PPP4R4: variants seen among roughly 807,000 people sequenced by gnomAD.
The protein encoded by PPP4R4 is serine/threonine-protein phosphatase 4 regulatory subunit 4.
In PPP4R4, 70 loss-of-function variants were observed where a neutral mutation model predicts 121.8. The observed-to-expected ratio is 0.57, with a 90% CI of 0.47 to 0.70. The LOEUF (loss-of-function observed/expected upper bound fraction) is 0.70, where lower values mean the gene tolerates loss of function less well. PPP4R4 is among the 30% of genes least tolerant of loss of function. The pLI, the probability that PPP4R4 is intolerant of heterozygous loss-of-function variation, is 0.00. For synonymous variants in PPP4R4, 348 were observed against 355.7 expected (o/e 0.98, Z 0.24); for missense variants, 875 against 1,033.6 (o/e 0.85, Z 2.10).
Position 94,256,605 on chromosome 14 carries a change from G to GT in PPP4R4, c.2010+2dup. ...AGATGTTCTGGCTATTGTAAAAAGA[G>GT]TAAGTATCACTCTTGCCACAATGTT... On this transcript the variant is annotated splice_donor_variant, in intron 17 of 24. Transcript: ENST00000304338. LOFTEE classifies it high-confidence loss of function. 6.3e-7 allele frequency: 1 copy of GT among 1,599,340 alleles called. No individual in the cohort carries two copies. Among genetic ancestry groups the GT allele is most frequent in the South Asian group, 1.1e-5 (1 of 88,746 alleles).
rs1028388449 is a variant in PPP4R4, at chr14:94,252,449, T to TAATA, written c.1865+558_1865+561dup. 3.3e-5 allele frequency among the ~76,000 whole-genome samples: 5 copies of TAATA among 152,220 alleles called. No homozygotes were observed. The East Asian group carries it at 5.8e-4, about 18-fold the overall frequency. ...TGGCTTGCCTGGAAATGGAAAAAAA[T>TAATA]AATAAATATATTTTGTCCTTTTTCT... On this transcript the variant is annotated intron_variant, in intron 16 of 24. Coordinates refer to ENST00000304338, the MANE Select transcript of PPP4R4 (RefSeq NM_058237.2).
At chr14:94,261,921 C>G (rs985896214) in intron 19 of PPP4R4, among the ~76,000 whole-genome samples, 1 of 151,916 alleles carries the variant, frequency 6.6e-6, no homozygotes, top group Non-Finnish European at 1.5e-5. Context: ...TGTCCTTTTT[C>G]TCCATTGGAT....
chr14:94,233,876 CTA>C (rs1892188018), intron 6 of PPP4R4, 117 bp downstream of exon 6: 1 of 685,898 alleles, frequency 1.5e-6, no homozygotes, highest in East Asian at 3.1e-5. Context: ...GTTATCTTAA[CTA>C]TTTTAACTTT....
At chr14:94,214,158 T>G (rs776543908) in intron 3 of PPP4R4, among the ~76,000 whole-genome samples, 60 of 152,156 alleles carry the variant, frequency 3.9e-4, no homozygotes, top group Non-Finnish European at 8.4e-4. Flanking sequence ...AATATAAATA[T>G]CTACCTGAAA....
At chr14:94,225,834 A>G (rs1891668895) in intron 3 of PPP4R4, among the ~76,000 whole-genome samples, 1 of 152,150 alleles carries the variant, frequency 6.6e-6, no homozygotes, top group Non-Finnish European at 1.5e-5. Flanking sequence ...TAGAAGGTGA[A>G]AGTATTATGA....
In PPP4R4 at chr14:94,268,334, A is replaced by G. The variant is rs1208366904; in HGVS notation, c.2449+1305A>G. On this transcript the variant is annotated intron_variant, in intron 23 of 24. Coordinates refer to ENST00000304338, the MANE Select transcript of PPP4R4 (RefSeq NM_058237.2). ...TCACTTAGCTGTAATGAGCATGTTT[A>G]TTCATGATTTTGTAACATTTTTTGT... Among the ~76,000 whole-genome samples, 4 of 152,182 alleles carry G rather than the reference A, an allele frequency of 2.6e-5. No individual in the cohort carries two copies. In the South Asian group the frequency reaches 6.2e-4, roughly 24 times the overall value.
intron 19 of PPP4R4, among the ~76,000 whole-genome samples, chr14:94,261,053 T>A (rs1385120037): frequency 6.6e-6 from 1 of 152,164 alleles, no homozygotes; most frequent in Non-Finnish European, 1.5e-5. Flanking sequence ...AGCCTTCTTT[T>A]CCCCATTGAA....
At chr14:94,199,139 C>T (rs1266965156) in intron 2 of PPP4R4, among the ~76,000 whole-genome samples, 4 of 152,184 alleles carry the variant, frequency 2.6e-5, no homozygotes, top group African/African-American at 9.6e-5. Context: ...AGTATTGAGT[C>T]TTTGATACTT....
intron 23 of PPP4R4, among the ~76,000 whole-genome samples, chr14:94,270,810 C>T (rs755419368): frequency 2.0e-5 from 3 of 151,302 alleles, no homozygotes; most frequent in African/African-American, 4.9e-5. Context: ...CCCAGATACT[C>T]GGGAGGCTGA....
At chr14:94,231,883 A>G (rs574659744) in intron 5 of PPP4R4, among the ~76,000 whole-genome samples, 1 of 152,268 alleles carries the variant, frequency 6.6e-6, no homozygotes, top group South Asian at 2.1e-4. Context: ...TTTATCAGCA[A>G]TAGTGTTTCT....
intron 2 of PPP4R4, among the ~76,000 whole-genome samples, chr14:94,179,720 T>C (rs1405971801): frequency 6.6e-6 from 1 of 152,236 alleles, no homozygotes; most frequent in African/African-American, 2.4e-5. Flanking sequence ...AGCTCCGTTA[T>C]CACTTAGTGG....
chr14:94,278,701 C>T lies in PPP4R4; in HGVS notation c.*58C>T. The T allele has an allele frequency of 1.3e-6, 2 of 1,481,814 alleles. No homozygotes were observed. Among genetic ancestry groups the T allele is most frequent in the Non-Finnish European group, 1.8e-6 (2 of 1,105,864 alleles). 91.8% of individuals were successfully genotyped at this position (1,481,814 alleles called of 1,614,324 possible). On this transcript the variant is annotated 3_prime_UTR_variant, in exon 25 of 25. Transcript: ENST00000304338. ...GCAGCAGGAGATAATGTGATTGGTA[C>T]ACAAAAGCTAAAGCAGTGGCTGGGG...
intron 2 of PPP4R4, among the ~76,000 whole-genome samples, chr14:94,191,583 A>G (rs1889603978): frequency 6.6e-6 from 1 of 152,172 alleles, no homozygotes; most frequent in African/African-American, 2.4e-5. Context: ...GGTACAGAAC[A>G]GCAGAACTTA....
rs140471672 is a variant in PPP4R4, at chr14:94,260,375, G to A, written c.2127+1006G>A. Among the ~76,000 whole-genome samples, 926 of 152,172 alleles carry A rather than the reference G, an allele frequency of 6.1e-3. 5 individuals are homozygous for A. The highest frequency in any genetic ancestry group is 9.9e-3 in the Non-Finnish European group (672 of 67,998). On this transcript the variant is annotated intron_variant, in intron 19 of 24. Transcript: ENST00000304338. ...CGGGAGGCAGAGCTTGCAGTGAACC[G>A]TGGTTGTGCCACTGCACACCAGCCT...
intron 14 of PPP4R4, 74 bp from the exon 15 acceptor site, chr14:94,250,098 T>C (rs1208740391): frequency 3.1e-6 from 3 of 981,494 alleles, no homozygotes; most frequent in Middle Eastern, 2.1e-4. Flanking sequence ...TAACTTAAAA[T>C]TGATTTGGTG....
chr14:94,242,500 G>T, intron 11 of PPP4R4, 92 bp downstream of exon 11: 2 of 1,213,680 alleles, frequency 1.6e-6, no homozygotes, highest in Non-Finnish European at 2.3e-6. Context: ...ATAAGATATA[G>T]ACTGGATATC....
At chr14:94,215,191 G>A (rs746968888) in intron 3 of PPP4R4, among the ~76,000 whole-genome samples, 5 of 152,088 alleles carry the variant, frequency 3.3e-5, no homozygotes, top group Non-Finnish European at 4.4e-5. Flanking sequence ...TAACAGCTCC[G>A]TGTGATGTAT....
rs371256763 is a variant in PPP4R4, at chr14:94,254,589, T to C, written c.1866-1871T>C. Among the ~76,000 whole-genome samples, 3 of 152,176 alleles carry C rather than the reference T, an allele frequency of 2.0e-5. No homozygotes were observed. The South Asian group carries it at 6.2e-4, about 31-fold the overall frequency. On this transcript the variant is annotated intron_variant, in intron 16 of 24. Coordinates refer to ENST00000304338, the MANE Select transcript of PPP4R4 (RefSeq NM_058237.2). ...TTGTTGTATATGAAGAATCCTCAAGTAAAAATTCAGCTGAGAAAGTGTTCT... is the reference window on the plus strand; with the variant it reads ...TTGTTGTATATGAAGAATCCTCAAGCAAAAATTCAGCTGAGAAAGTGTTCT...
intron 3 of PPP4R4, among the ~76,000 whole-genome samples, chr14:94,208,831 C>T (rs1890595957): frequency 6.6e-6 from 1 of 151,206 alleles, no homozygotes; most frequent in Admixed American, 6.6e-5. Context: ...TTTTTAGTAG[C>T]TCAAAAACAC....
Sources: allele counts gnomAD v4.1 joint callset (sites outside exome capture counted in the v4.1 genomes callset), GRCh38; gene constraint gnomAD v4.1.1; transcripts MANE v1.5; gene names NCBI Gene and HGNC (gene_info 2026-07-23, HGNC 2026-07-21).